SCML2: variants seen among roughly 807,000 people sequenced by gnomAD.
The protein encoded by SCML2 is sex comb on midleg-like protein 2.
A neutral mutation model predicts 48.4 loss-of-function variants in SCML2; 6 were observed. The ratio of observed to expected loss-of-function variants is 0.12; its 90% confidence interval spans 0.07 to 0.24. The LOEUF (loss-of-function observed/expected upper bound fraction) is 0.24, where lower values mean the gene tolerates loss of function less well. Among genes scored for constraint, SCML2 ranks in the 10% least tolerant of loss-of-function variants. The probability of loss-of-function intolerance (pLI) is 1.00; values close to 1 mark genes in which losing one functional copy is unlikely to be tolerated. For missense variants in SCML2, 377 were observed against 528.2 expected (o/e 0.71, Z 2.81); for synonymous variants, 181 against 189.5 (o/e 0.95, Z 0.37).
At chrX:18,301,746 C>T (rs974259169) in intron 7 of SCML2, among the ~76,000 whole-genome samples, 2 of 111,526 alleles carry the variant, frequency 1.8e-5, no homozygotes, top group Non-Finnish European at 3.8e-5. Flanking sequence ...CACTGCACTC[C>T]AGCCTGGGTG....
chrX:18,333,501 C>T (rs747559163), intron 2 of SCML2, among the ~76,000 whole-genome samples: 2 of 111,707 alleles, frequency 1.8e-5, no homozygotes, highest in Admixed American at 1.9e-4. Context: ...ACTGTAAAGG[C>T]ATGCTTAGCT....
intron 6 of SCML2, among the ~76,000 whole-genome samples, chrX:18,317,813 G>A (rs1327896454): frequency 3.4e-5 from 3 of 88,080 alleles, no homozygotes; most frequent in African/African-American, 9.4e-5. Flanking sequence ...CAGCCTGGGC[G>A]ACAGAGCGAG....
chrX:18,269,748 G>A (rs1184521009), intron 7 of SCML2, among the ~76,000 whole-genome samples: 3 of 110,922 alleles, frequency 2.7e-5, no homozygotes, highest in African/African-American at 6.6e-5. Flanking sequence ...CTGAATGAAC[G>A]AATGAAAAAT....
intron 7 of SCML2, among the ~76,000 whole-genome samples, chrX:18,285,325 AG>A (rs1283960579): frequency 9.1e-6 from 1 of 109,395 alleles, no homozygotes; most frequent in Non-Finnish European, 1.9e-5. Context: ...ATAGTAGACT[AG>A]ACAAAGAAAA....
intron 7 of SCML2, among the ~76,000 whole-genome samples, chrX:18,301,920 A>G (rs1225525589): frequency 1.8e-5 from 2 of 112,028 alleles, no homozygotes; most frequent in Admixed American, 9.5e-5. Context: ...AAATAAATAC[A>G]ACAGACTTTC....
intron 6 of SCML2, among the ~76,000 whole-genome samples, chrX:18,310,442 T>A (rs1202993881): frequency 9.2e-6 from 1 of 108,591 alleles, no homozygotes; most frequent in Non-Finnish European, 1.9e-5. Context: ...ATTTTTGTAT[T>A]TTTAGTAGAG....
chrX:18,337,305 C>CAAAAAAA lies in SCML2; in HGVS notation c.-24-3217_-24-3211dup, dbSNP rs770888184. Among the ~76,000 whole-genome samples, 3 of 5,057 alleles carry CAAAAAAA rather than the reference C, an allele frequency of 5.9e-4. 1 individual carries two copies. The highest frequency in any genetic ancestry group is 9.3e-3 in the East Asian group (1 of 107). The allele number at this position is 5,057 out of a possible 115,157, so 4.4% of individuals were successfully genotyped here. A position where few individuals can be genotyped will look rare whatever the true frequency, so the allele number is the denominator to read the frequency against. On this transcript the variant is annotated intron_variant, in intron 1 of 14. Transcript: ENST00000251900. Reference sequence around the variant, plus strand: ...TGGGCGACAGAGCAAGACTCTGTCTCAAAAAAAAAAAAAAAAAAAAAAAAA... The same window carrying CAAAAAAA: ...TGGGCGACAGAGCAAGACTCTGTCTCAAAAAAAAAAAAAAAAAAAAAAAAAAAAAAAA...
chrX:18,305,528 T>G (rs1329301567), intron 6 of SCML2, among the ~76,000 whole-genome samples: 2 of 111,467 alleles, frequency 1.8e-5, no homozygotes, highest in Non-Finnish European at 3.8e-5. Flanking sequence ...AACAAATATA[T>G]CAAACATCCC....
At chrX:18,252,913 G>A (rs765114003) in intron 11 of SCML2, among the ~76,000 whole-genome samples, 29 of 112,220 alleles carry the variant, frequency 2.6e-4, no homozygotes, top group Non-Finnish European at 5.3e-4. Context: ...GGGGAGTTAG[G>A]CTGAAAACTC....
intron 7 of SCML2, among the ~76,000 whole-genome samples, chrX:18,297,794 C>G (rs1296692197): frequency 9.0e-6 from 1 of 110,661 alleles, no homozygotes; most frequent in Non-Finnish European, 1.9e-5. Flanking sequence ...CTGGGCAACA[C>G]AGTGAGACCC....
At chrX:18,318,653 C>G (rs898959031) in intron 6 of SCML2, among the ~76,000 whole-genome samples, 4 of 112,121 alleles carry the variant, frequency 3.6e-5, no homozygotes, top group African/African-American at 9.7e-5. Context: ...TTTGGCCCAT[C>G]ATCTTTTTCT....
Position 18,260,308 on chromosome X carries a change from G to GA in SCML2, c.949-18dup, listed in dbSNP as rs1927016477. The GA allele has an allele frequency of 8.7e-7, 1 of 1,152,292 alleles. No homozygotes were observed. Among genetic ancestry groups the GA allele is most frequent in the African/African-American group, 1.8e-5 (1 of 55,270 alleles). The allele number at this position is 1,152,292 out of a possible 1,213,427, so 95.0% of individuals were successfully genotyped here. On this transcript the variant is annotated splice_polypyrimidine_tract_variant and intron_variant, in intron 8 of 14. Coordinates refer to ENST00000251900, the MANE Select transcript of SCML2 (RefSeq NM_006089.3). Reference sequence around the variant, plus strand: ...AGGTTTTTCCTGTTAAAAACAAAGGGAAAAAAACACAAGTATACAATACTC... The same window carrying GA: ...AGGTTTTTCCTGTTAAAAACAAAGGGAAAAAAAACACAAGTATACAATACTC...
intron 7 of SCML2, among the ~76,000 whole-genome samples, chrX:18,277,971 A>G (rs969927848): frequency 9.0e-6 from 1 of 110,576 alleles, no homozygotes; most frequent in African/African-American, 3.3e-5. Context: ...GTTCGACATC[A>G]GCCTGGGCAA....
chrX:18,277,955 T>C (rs1466033547), intron 7 of SCML2, among the ~76,000 whole-genome samples: 1 of 109,607 alleles, frequency 9.1e-6, no homozygotes, highest in Non-Finnish European at 1.9e-5. Flanking sequence ...TCACTTGAGC[T>C]CGGGAGTTCG....
chrX:18,290,342 C>A (rs1456461130), intron 7 of SCML2, among the ~76,000 whole-genome samples: 1 of 111,736 alleles, frequency 8.9e-6, no homozygotes, highest in African/African-American at 3.2e-5. Flanking sequence ...GAATGCTTTG[C>A]TACACTTTCC....
intron 7 of SCML2, among the ~76,000 whole-genome samples, chrX:18,267,881 C>G (rs983292076): frequency 4.5e-5 from 5 of 111,244 alleles, no homozygotes; most frequent in African/African-American, 1.6e-4. Flanking sequence ...CAGGTGTGAG[C>G]CACTGCGCCC....
At chrX:18,298,686 G>A (rs750999761) in intron 7 of SCML2, among the ~76,000 whole-genome samples, 5 of 110,783 alleles carry the variant, frequency 4.5e-5, no homozygotes, top group Admixed American at 9.6e-5. Context: ...GGGAAACCCC[G>A]TCTCTAACTG....
intron 7 of SCML2, among the ~76,000 whole-genome samples, chrX:18,287,020 G>C (rs1316831826): frequency 9.0e-6 from 1 of 110,907 alleles, no homozygotes; most frequent in Non-Finnish European, 1.9e-5. Context: ...CAGAGTTCAA[G>C]AGCTAAAACA....
intron 1 of SCML2, among the ~76,000 whole-genome samples, chrX:18,345,811 C>T (rs768905236): frequency 1.8e-5 from 2 of 110,612 alleles, no homozygotes; most frequent in East Asian, 5.7e-4. Context: ...GACCTCCCGG[C>T]CTTAAGTGAT....
Sources: gnomAD v4.1 joint callset for allele counts (sites outside exome capture counted in the v4.1 genomes callset) on GRCh38, gnomAD v4.1.1 for gene constraint, MANE v1.5 for transcripts, NCBI Gene and HGNC (gene_info 2026-07-23, HGNC 2026-07-21) for gene names.